Variants in CSTL1 observed in about 807,000 individuals in gnomAD.
CSTL1 encodes the protein cystatin like 1, also known as cystatin-like 1.
In CSTL1, 14 loss-of-function variants were observed where a neutral mutation model predicts 14.4. That is an observed-to-expected ratio of 0.97 (90% CI 0.64 to 1.52). The LOEUF (loss-of-function observed/expected upper bound fraction) is 1.52, where lower values mean the gene tolerates loss of function less well. Among genes scored for constraint, CSTL1 ranks in the 40% most tolerant of loss-of-function variants. The pLI is 0.00. For missense variants in CSTL1, 170 were observed against 168.7 expected (o/e 1.01, Z -0.04); for synonymous variants, 72 against 67.5 (o/e 1.07, Z -0.33).
chr20:23,447,474 T>TC (rs1286001947), downstream of CSTL1, among the ~76,000 whole-genome samples: 2 of 151,400 alleles, frequency 1.3e-5, no homozygotes, highest in Non-Finnish European at 3.0e-5. Flanking sequence ...TTTCTTTTTT[T>TC]TTTTTTTTTG....
chr20:23,444,276 G>T (rs1238236160), intron 3 of CSTL1, among the ~76,000 whole-genome samples: 2 of 152,234 alleles, frequency 1.3e-5, no homozygotes, highest in Non-Finnish European at 2.9e-5. Flanking sequence ...AACCTGGCCT[G>T]CTCCCCAGAC....
Position 23,440,315 on chromosome 20 carries a change from G to C in CSTL1, c.48G>C (p.Leu16=), listed in dbSNP as rs781020112. 1.9e-6 allele frequency: 3 copies of C among 1,614,156 alleles called. No homozygotes were observed. The South Asian group carries it at 3.3e-5, about 18-fold the overall frequency. Residue 16 remains leucine (L), a synonymous_variant, in exon 2 of 4, where the codon CTG becomes CTC. Coordinates refer to ENST00000347397, the MANE Select transcript of CSTL1 (RefSeq NM_138283.1). ...ACCCCCTGCTGCTGCTGATTGCCCT[G>C]GTCCTGTCAGCCAAGCTGGGTCACT... ...WRNPLLLLIA[L]VLSAKLGHFQ...
intron 2 of CSTL1, among the ~76,000 whole-genome samples, chr20:23,441,068 T>C (rs1398188372): frequency 6.6e-6 from 1 of 152,194 alleles, no homozygotes; most frequent in Non-Finnish European, 1.5e-5. Context: ...CAGCTCTTTT[T>C]CCTTGGGAAG....
the CSTL1 span, chr20:23,452,895 A>G: frequency 9.5e-7 from 1 of 1,052,548 alleles, no homozygotes; most frequent in Non-Finnish European, 1.4e-6. Context: ...CTGCCCTGGC[A>G]GGATTTAAGA....
At chr20:23,444,249 T>G (rs6083127) in intron 3 of CSTL1, among the ~76,000 whole-genome samples, 1 of 152,066 alleles carries the variant, frequency 6.6e-6, no homozygotes, top group Middle Eastern at 3.2e-3. Context: ...GGCCTCTGGT[T>G]GCCTGGACCC....
In CSTL1 at chr20:23,439,800, A is replaced by G. The variant is rs1986782134; in HGVS notation, c.-131A>G. 2.4e-5 allele frequency: 4 copies of G among 169,658 alleles called. No homozygotes were observed. Among genetic ancestry groups the G allele is most frequent in the Admixed American group, 1.6e-4 (3 of 18,218 alleles). The allele number at this position is 169,658 out of a possible 1,614,324, so 10.5% of individuals were successfully genotyped here. On this transcript the variant is annotated 5_prime_UTR_variant, in exon 1 of 4. Transcript: ENST00000347397. ...TGGCTTTGTAAGACAGTTGGAACCCAAGGAAGGTAAGAATAATGTACCACT... is the reference window on the plus strand; with the variant it reads ...TGGCTTTGTAAGACAGTTGGAACCCGAGGAAGGTAAGAATAATGTACCACT...
chr20:23,439,879 G>A lies in CSTL1; in HGVS notation c.-125+73G>A, dbSNP rs936728113. 4 of 244,902 alleles carry A rather than the reference G, an allele frequency of 1.6e-5. No individual in the cohort carries two copies. The South Asian group carries it at 1.9e-4, about 12-fold the overall frequency. The allele number at this position is 244,902 out of a possible 1,614,324, so 15.2% of individuals were successfully genotyped here. ...TCTCAGTTCAGATATTACCTTCTCCGTAAGGCCGCCTCCCTTCCTGTAAGT... is the reference window on the plus strand; with the variant it reads ...TCTCAGTTCAGATATTACCTTCTCCATAAGGCCGCCTCCCTTCCTGTAAGT... On this transcript the variant is annotated intron_variant, in intron 1 of 3. Coordinates refer to ENST00000347397, the MANE Select transcript of CSTL1 (RefSeq NM_138283.1).
In CSTL1 at chr20:23,440,317, T is replaced by A; in HGVS notation, c.50T>A (p.Val17Asp). 6.2e-7 allele frequency: 1 copy of A among 1,614,192 alleles called. No individual in the cohort carries two copies. Among genetic ancestry groups the A allele is most frequent in the Non-Finnish European group, 8.5e-7 (1 of 1,180,040 alleles). The change falls in exon 2 of 4, where the codon GTC becomes GAC. Residue 17 changes from valine (V) to aspartate (D), a missense_variant. Physicochemically the swap from Val to Asp is radical, Grantham distance 152 (BLOSUM62 -3). Coordinates refer to ENST00000347397, the MANE Select transcript of CSTL1 (RefSeq NM_138283.1). ...RNPLLLLIAL[V>D]LSAKLGHFQR... ...CCCCTGCTGCTGCTGATTGCCCTGG[T>A]CCTGTCAGCCAAGCTGGGTCACTTC...
downstream of CSTL1, among the ~76,000 whole-genome samples, chr20:23,447,467 C>CTTTTTTTTTTTTTTTT (rs34114094): frequency 7.3e-6 from 1 of 136,808 alleles, no homozygotes. Flanking sequence ...TTTTCTTTTT[C>CTTTTTTTTTTTTTTTT]TTTTTTTTTT....
rs539198542 is a variant in CSTL1 at position 23,443,531 on chromosome 20, A to G, written c.220-403A>G. Among the ~76,000 whole-genome samples the G allele has an allele frequency of 2.6e-4, 39 of 148,702 alleles. 1 individual carries two copies. The highest frequency in any genetic ancestry group is 9.5e-4 in the African/African-American group (39 of 40,988). On this transcript the variant is annotated intron_variant, in intron 2 of 3. Transcript: ENST00000347397. ...CTGCCTTCCACTAGGTTGGTCAGGA[A>G]GGATAGTAGAGACAGAGGAAATGGC...
chr20:23,446,315 G>A (rs1986965791), downstream of CSTL1, among the ~76,000 whole-genome samples: 1 of 151,816 alleles, frequency 6.6e-6, no homozygotes, highest in African/African-American at 2.4e-5. Context: ...GAGTGCCGTG[G>A]CACGATCTTG....
chr20:23,450,603 C>A, the CSTL1 span: 2 of 1,596,346 alleles, frequency 1.3e-6, no homozygotes, highest in Non-Finnish European at 1.7e-6. Flanking sequence ...AAACAAAAAA[C>A]AAAGGCAATA....
Position 23,443,970 on chromosome 20 carries a change from A to G in CSTL1, c.256A>G (p.Ile86Val), listed in dbSNP as rs1377929283. The change falls in exon 3 of 4, where the codon ATT (isoleucine) becomes GTT (valine). Residue 86 changes from isoleucine to valine, a missense_variant. Coordinates refer to ENST00000347397, the MANE Select transcript of CSTL1 (RefSeq NM_138283.1). ...TGVEYIVTVKIGWTKCKRNDT... is the reference protein window; with the variant it reads ...TGVEYIVTVKVGWTKCKRNDT... ...AGTGGAGTATATAGTCACTGTGAAG[A>G]TTGGCTGGACCAAATGCAAGAGGAA... 6.2e-7 allele frequency: 1 copy of G among 1,614,034 alleles called. No individual in the cohort carries two copies. The highest frequency in any genetic ancestry group is 8.5e-7 in the Non-Finnish European group (1 of 1,180,002).
chr20:23,448,511 G>A (rs1025102010), downstream of CSTL1, among the ~76,000 whole-genome samples: 1 of 152,186 alleles, frequency 6.6e-6, no homozygotes, highest in African/African-American at 2.4e-5. Flanking sequence ...ATATTTTTCT[G>A]TGATGTGATA....
downstream of CSTL1, among the ~76,000 whole-genome samples, chr20:23,446,249 CTTTCTTTTTTTTT>C (rs1354100161): frequency 6.7e-6 from 1 of 149,800 alleles, no homozygotes; most frequent in Non-Finnish European, 1.5e-5. Flanking sequence ...AGCAGCCTTT[CTTTCTTTTTTTTT>C]TTTCTTTTTT....
intron 3 of CSTL1, 36 bp from the exon 4 acceptor site, chr20:23,444,735 C>A: frequency 6.9e-7 from 1 of 1,442,484 alleles, no homozygotes; most frequent in Non-Finnish European, 9.8e-7. Flanking sequence ...TTGAAAAATA[C>A]TTCCCCCAAA....
intron 3 of CSTL1, among the ~76,000 whole-genome samples, chr20:23,444,509 G>A (rs996588864): frequency 1.3e-5 from 2 of 152,202 alleles, no homozygotes; most frequent in African/African-American, 4.8e-5. Context: ...GGCCTGCCTG[G>A]CCCACATGAC....
chr20:23,451,799 G>T, the CSTL1 span: 1 of 1,590,832 alleles, frequency 6.3e-7, no homozygotes, highest in Non-Finnish European at 8.6e-7. Context: ...CTACGTTAAA[G>T]TGCTTTTACC....
chr20:23,440,756 C>A, intron 2 of CSTL1: 1 of 360,782 alleles, frequency 2.8e-6, no homozygotes, highest in Non-Finnish European at 5.2e-6. Flanking sequence ...GGATTAAACT[C>A]TTTTTTTTTT....
Sources: gnomAD v4.1 joint callset for allele counts (sites outside exome capture counted in the v4.1 genomes callset) on GRCh38, gnomAD v4.1.1 for gene constraint, MANE v1.5 for transcripts, NCBI Gene and HGNC (gene_info 2026-07-23, HGNC 2026-07-21) for gene names.